IQCM: variants seen among roughly 807,000 people sequenced by gnomAD.
IQCM encodes IQ domain-containing protein M.
IQCM carries 45 observed loss-of-function variants against 57.6 expected under a neutral mutation model. That is an observed-to-expected ratio of 0.78 (90% CI 0.62 to 1.00). The LOEUF is 1.00. Ranked by LOEUF, IQCM falls within the 50% of genes least tolerant of loss-of-function variation. The pLI is 0.00. For missense variants in IQCM, 468 were observed against 511.6 expected (o/e 0.91, Z 0.82); for synonymous variants, 148 against 158.9 (o/e 0.93, Z 0.51).
chr4:149,576,828 G>C (rs1751706054), intron 9 of IQCM, among the ~76,000 whole-genome samples: 1 of 151,894 alleles, frequency 6.6e-6, no homozygotes, highest in Admixed American at 6.6e-5. Flanking sequence ...GCTTTCCACA[G>C]TGGCTGAACC....
chr4:149,775,305 C>A (rs909212979), intron 2 of IQCM, among the ~76,000 whole-genome samples: 1 of 151,818 alleles, frequency 6.6e-6, no homozygotes, highest in African/African-American at 2.4e-5. Context: ...TACTATTTCT[C>A]AGCCCAAGAC....
intron 2 of IQCM, among the ~76,000 whole-genome samples, chr4:149,792,455 G>A (rs1432415351): frequency 6.6e-6 from 1 of 152,098 alleles, no homozygotes; most frequent in Non-Finnish European, 1.5e-5. Context: ...GATGTTAACT[G>A]TAAAGTATTA....
At chr4:149,388,021 T>C (rs1560794407) in intron 13 of IQCM, among the ~76,000 whole-genome samples, 2 of 152,080 alleles carry the variant, frequency 1.3e-5, no homozygotes, top group Admixed American at 1.3e-4. Flanking sequence ...CAATACTCCA[T>C]CATTTTGATT....
chr4:149,360,612 G>A (rs1729409610), intron 13 of IQCM, among the ~76,000 whole-genome samples: 1 of 152,148 alleles, frequency 6.6e-6, no homozygotes, highest in African/African-American at 2.4e-5. Context: ...CTATTCTCAT[G>A]ATATTGAATA....
intron 7 of IQCM, among the ~76,000 whole-genome samples, chr4:149,672,271 T>C (rs1373709448): frequency 1.3e-5 from 2 of 152,186 alleles, no homozygotes; most frequent in African/African-American, 4.8e-5. Context: ...GGACAGAGAA[T>C]GACTTTGACA....
intron 12 of IQCM, among the ~76,000 whole-genome samples, chr4:149,503,473 C>T (rs1743475408): frequency 6.6e-6 from 1 of 151,796 alleles, no homozygotes; most frequent in Admixed American, 6.6e-5. Flanking sequence ...CAGAATTGTC[C>T]CAACAAATAT....
At chr4:149,649,939 T>C (rs950805076) in intron 7 of IQCM, among the ~76,000 whole-genome samples, 6 of 152,190 alleles carry the variant, frequency 3.9e-5, no homozygotes, top group Admixed American at 6.6e-5. Context: ...AAGAGAACAA[T>C]GTTTGTGTTT....
intron 2 of IQCM, among the ~76,000 whole-genome samples, chr4:149,757,322 C>T (rs1769069728): frequency 6.6e-6 from 1 of 151,302 alleles, no homozygotes; most frequent in African/African-American, 2.4e-5. Flanking sequence ...TAAGCAGAAA[C>T]CTAAATTAAG....
chr4:149,672,204 A>C (rs1761355196), intron 7 of IQCM, among the ~76,000 whole-genome samples: 1 of 152,210 alleles, frequency 6.6e-6, no homozygotes, highest in South Asian at 2.1e-4. Flanking sequence ...TCTAAAAATC[A>C]GAGCGGCTCT....
chr4:149,408,652 T>G (rs1392853700), intron 13 of IQCM, among the ~76,000 whole-genome samples: 1 of 152,236 alleles, frequency 6.6e-6, no homozygotes. Context: ...TTGATTATTA[T>G]CCTCAGTATG....
chr4:149,410,824 A>G (rs1733332224), intron 13 of IQCM, among the ~76,000 whole-genome samples: 1 of 152,144 alleles, frequency 6.6e-6, no homozygotes, highest in Non-Finnish European at 1.5e-5. Flanking sequence ...AATAGTTAAC[A>G]TAGACAAAGG....
At chr4:149,633,130 C>T (rs377252001) in intron 7 of IQCM, among the ~76,000 whole-genome samples, 20 of 133,758 alleles carry the variant, frequency 1.5e-4, no homozygotes, top group Admixed American at 4.2e-4. Flanking sequence ...CACTGCAGTC[C>T]GCAGTCCAGC....
At chr4:149,763,184 G>A (rs549837022) in intron 2 of IQCM, among the ~76,000 whole-genome samples, 3 of 151,936 alleles carry the variant, frequency 2.0e-5, no homozygotes, top group Non-Finnish European at 4.4e-5. Flanking sequence ...GCAATAATGT[G>A]GACAGCATAT....
Position 149,368,961 on chromosome 4 carries a change from T to A in IQCM, c.1391-16895A>T, listed in dbSNP as rs1344902361. ...ATATATATGTGTATATATATACACG[T>A]GTATATATATATGTGTATATATATA... On this transcript the variant is annotated intron_variant, in intron 13 of 13. Transcript: ENST00000636793. Among the ~76,000 whole-genome samples the A allele has an allele frequency of 3.2e-5, 2 of 63,382 alleles. 1 individual carries two copies. Among genetic ancestry groups the A allele is most frequent in the Non-Finnish European group, 6.2e-5 (2 of 32,314 alleles). 41.6% of individuals were successfully genotyped at this position (63,382 alleles called of 152,430 possible).
At chr4:149,363,697 A>C (rs192441830) in intron 13 of IQCM, among the ~76,000 whole-genome samples, 213 of 152,312 alleles carry the variant, frequency 1.4e-3, no homozygotes, top group African/African-American at 4.7e-3. Context: ...GGAAAAAATT[A>C]TAAGTTGCTA....
intron 7 of IQCM, among the ~76,000 whole-genome samples, chr4:149,643,752 A>C (rs1758407610): frequency 6.6e-6 from 1 of 152,194 alleles, no homozygotes; most frequent in Non-Finnish European, 1.5e-5. Flanking sequence ...AGGAGCTTGT[A>C]AAAAACAAGT....
intron 6 of IQCM, among the ~76,000 whole-genome samples, chr4:149,682,806 T>C (rs1285983741): frequency 6.6e-6 from 1 of 151,072 alleles, no homozygotes; most frequent in Non-Finnish European, 1.5e-5. Flanking sequence ...TGATGCTCAT[T>C]GTATAAATGA....
intron 13 of IQCM, among the ~76,000 whole-genome samples, chr4:149,411,301 A>C (rs996219746): frequency 3.3e-5 from 5 of 152,152 alleles, no homozygotes; most frequent in Admixed American, 6.5e-5. Context: ...GTTCTGTTGC[A>C]GAAAACAGAA....
intron 12 of IQCM, among the ~76,000 whole-genome samples, chr4:149,433,825 C>A (rs1179778063): frequency 6.6e-6 from 1 of 151,820 alleles, no homozygotes; most frequent in Non-Finnish European, 1.5e-5. Context: ...AAATAAGATA[C>A]CCAACGAACA....
Sources: gnomAD v4.1 joint callset for allele counts (sites outside exome capture counted in the v4.1 genomes callset) on GRCh38, gnomAD v4.1.1 for gene constraint, MANE v1.5 for transcripts, NCBI Gene and HGNC (gene_info 2026-07-23, HGNC 2026-07-21) for gene names.